The following USP13 variants were observed in gnomAD, a reference collection of about 807,000 sequenced individuals.
USP13 encodes the protein ubiquitin specific peptidase 13.
USP13 carries 68 observed loss-of-function variants against 107.8 expected under a neutral mutation model. The ratio of observed to expected loss-of-function variants is 0.63; its 90% CI spans 0.52 to 0.77. The LOEUF (loss-of-function observed/expected upper bound fraction) is 0.77. Ranked by LOEUF, USP13 falls within the 30% of genes least tolerant of loss-of-function variation. The pLI is 0.00. For missense variants in USP13, 945 were observed against 1,093.3 expected, an observed-to-expected ratio of 0.86 and a Z score of 1.91; for synonymous variants, 377 against 389.5, an observed-to-expected ratio of 0.97 and a Z score of 0.38.
At chr3:179,698,503 T>C (rs1712395236) in intron 3 of USP13, among the ~76,000 whole-genome samples, 1 of 151,934 alleles carries the variant, frequency 6.6e-6, no homozygotes, top group African/African-American at 2.4e-5. Flanking sequence ...GGTTTTTTTT[T>C]TTCTTGTATT....
chr3:179,653,532 GGCAGACACTTA>G lies in USP13; in HGVS notation c.168+141_168+151del. On this transcript the variant is annotated intron_variant, in intron 1 of 20. Transcript: ENST00000263966. This position sits in a 1 kb window ranked among gnomAD's most constrained non-coding sequence, Gnocchi z 4.0. ...AGTTGGCTCAGGAACACTGCAGTTC[GGCAGACACTTA>G]GTGAGCGCCCCAGGGCTGCTGCAGC... is the stretch of plus-strand genomic sequence containing the variant. 1 of 1,241,844 alleles carries G rather than the reference GGCAGACACTTA, an allele frequency of 8.1e-7. No homozygotes were observed. The highest frequency in any genetic ancestry group is 1.1e-6 in the Non-Finnish European group (1 of 909,536). 76.9% of individuals were successfully genotyped at this position (1,241,844 alleles called of 1,614,324 possible). A position where few individuals can be genotyped will look rare whatever the true frequency, so the allele number is the denominator to read the frequency against.
At chr3:179,689,085 T>G (rs1711999031) in intron 2 of USP13, among the ~76,000 whole-genome samples, 1 of 152,208 alleles carries the variant, frequency 6.6e-6, no homozygotes. Context: ...TTAGGACTCA[T>G]GAGAGGACAA....
At chr3:179,670,090 G>A (rs776294976) in intron 1 of USP13, among the ~76,000 whole-genome samples, 18 of 152,118 alleles carry the variant, frequency 1.2e-4, no homozygotes, top group Non-Finnish European at 1.9e-4. Flanking sequence ...GCCTTTTCTG[G>A]AGTGGGGACC....
chr3:179,693,672 A>G (rs1008037441), intron 3 of USP13, among the ~76,000 whole-genome samples: 18 of 151,718 alleles, frequency 1.2e-4, no homozygotes, highest in African/African-American at 4.4e-4. Flanking sequence ...AACTTTGTTT[A>G]TTTATTTATT....
intron 1 of USP13, among the ~76,000 whole-genome samples, chr3:179,665,381 G>A (rs1338354804): frequency 6.6e-6 from 1 of 152,216 alleles, no homozygotes; most frequent in Admixed American, 6.5e-5. Flanking sequence ...GCACTTTTAT[G>A]TACGTCATCT....
intron 19 of USP13, among the ~76,000 whole-genome samples, chr3:179,773,178 TCCCAGATAAATA>T (rs891351397): frequency 1.1e-4 from 17 of 152,174 alleles, no homozygotes; most frequent in African/African-American, 4.1e-4. Context: ...GAAAAGCATA[TCCCAGATAAATA>T]CCCAGATATT....
At chr3:179,737,482 T>C (rs536335226) in intron 10 of USP13, among the ~76,000 whole-genome samples, 37 of 152,234 alleles carry the variant, frequency 2.4e-4, no homozygotes, top group Non-Finnish European at 4.1e-4. Flanking sequence ...AGGGCATTAT[T>C]ATTGCATGCT....
intron 1 of USP13, among the ~76,000 whole-genome samples, chr3:179,672,441 A>G (rs569650232): frequency 2.0e-5 from 3 of 149,636 alleles, no homozygotes; most frequent in African/African-American, 2.5e-5. Flanking sequence ...CTGGAGTGCA[A>G]TGGCGCGATC....
At position 179,681,733 on chromosome 3, in the gene USP13, A is replaced by G. The variant is rs536536500; in HGVS notation, c.169-145A>G. The G allele has an allele frequency of 3.8e-6, 4 of 1,040,140 alleles. No homozygotes were observed. In the Admixed American group the frequency reaches 9.5e-5, roughly 25 times the overall value. The allele number at this position is 1,040,140 out of a possible 1,614,324, so 64.4% of individuals were successfully genotyped here. A position where few individuals can be genotyped will look rare whatever the true frequency, so the allele number is the denominator to read the frequency against. On this transcript the variant is annotated intron_variant, in intron 1 of 20. Coordinates refer to ENST00000263966, the MANE Select transcript of USP13 (RefSeq NM_003940.3). ...CTAGGACAGAGTCACTTGGGTTAAA[A>G]CAAGGTAGGGTATCACAGCAGGAGC...
chr3:179,710,696 G>C (rs917421901), intron 6 of USP13, among the ~76,000 whole-genome samples: 5 of 152,194 alleles, frequency 3.3e-5, no homozygotes, highest in African/African-American at 9.6e-5. Flanking sequence ...TGATTTCTTT[G>C]TTGTGTGAAC....
chr3:179,704,460 C>T (rs577339531), intron 4 of USP13, among the ~76,000 whole-genome samples: 3 of 152,276 alleles, frequency 2.0e-5, no homozygotes, highest in Middle Eastern at 3.4e-3. Context: ...TTCCTTCACG[C>T]CTGCCCTCTT....
At chr3:179,692,828 A>G (rs1672717118) in intron 3 of USP13, among the ~76,000 whole-genome samples, 1 of 152,090 alleles carries the variant, frequency 6.6e-6, no homozygotes, top group Non-Finnish European at 1.5e-5. Context: ...ATTGTCAGGA[A>G]ACTGTTTTAG....
chr3:179,756,466 G>A (rs1695228501), intron 15 of USP13, among the ~76,000 whole-genome samples: 1 of 152,170 alleles, frequency 6.6e-6, no homozygotes, highest in African/African-American at 2.4e-5. Context: ...GAGAGAGGCT[G>A]GGCGCAGTGG....
chr3:179,655,548 G>GTTTTTTTGTTTTTT (rs1720224938), intron 1 of USP13, among the ~76,000 whole-genome samples: 1 of 131,396 alleles, frequency 7.6e-6, no homozygotes, highest in African/African-American at 3.3e-5. Flanking sequence ...TAATGGGAAG[G>GTTTTTTTGTTTTTT]TTTTTTTTGT....
At chr3:179,679,204 ATTTAAAAAAT>A (rs1711564324) in intron 1 of USP13, among the ~76,000 whole-genome samples, 1 of 152,138 alleles carries the variant, frequency 6.6e-6, no homozygotes, top group South Asian at 2.1e-4. Flanking sequence ...ATTTTTTGGA[ATTTAAAAAAT>A]TTTATTGGAA....
Position 179,740,317 on chromosome 3 carries a change from C to CT in USP13, c.1326dup (p.Asn443Ter). 6.2e-7 allele frequency: 1 copy of CT among 1,614,136 alleles called. No individual in the cohort carries two copies. The highest frequency in any genetic ancestry group is 8.5e-7 in the Non-Finnish European group (1 of 1,180,040). On this transcript the variant is annotated frameshift_variant, in exon 11 of 21. Coordinates refer to ENST00000263966, the MANE Select transcript of USP13 (RefSeq NM_003940.3). LOFTEE classifies it high-confidence loss of function. ...AGCAAGAGCCACCCGGAATTCTCCT[C>CT]TAACAGGCAGCAAGATGCCCAGGAA... is the stretch of plus-strand genomic sequence containing the variant.
rs1711545957 is a variant in USP13 at position 179,678,614 on chromosome 3, G to T, written c.169-3264G>T. Among the ~76,000 whole-genome samples, 1 of 151,810 alleles carries T rather than the reference G, an allele frequency of 6.6e-6. No individual in the cohort carries two copies. Among genetic ancestry groups the T allele is most frequent in the African/African-American group, 2.4e-5 (1 of 41,304 alleles). Reference sequence around the variant, plus strand: ...TCCTAAGTAGCTGGGACAAAAGGCTGGCTAATTTTTGTATTATTATTTTTT... The same window carrying T: ...TCCTAAGTAGCTGGGACAAAAGGCTTGCTAATTTTTGTATTATTATTTTTT... On this transcript the variant is annotated intron_variant, in intron 1 of 20. Coordinates refer to ENST00000263966, the MANE Select transcript of USP13 (RefSeq NM_003940.3). The surrounding 1 kb of genome is among the most constrained non-coding windows in gnomAD (Gnocchi z 4.2).
At chr3:179,740,826 G>A (rs1249353361) in intron 11 of USP13, among the ~76,000 whole-genome samples, 2 of 151,802 alleles carry the variant, frequency 1.3e-5, no homozygotes, top group African/African-American at 2.4e-5. Context: ...GAGTGCAGTG[G>A]CACAATCTTG....
At chr3:179,752,839 C>T (rs186973282) in intron 14 of USP13, among the ~76,000 whole-genome samples, 1 of 152,272 alleles carries the variant, frequency 6.6e-6, no homozygotes. Context: ...AGGATCTCTC[C>T]TCTGCCTCTG....
Sources: allele counts gnomAD v4.1 joint callset (sites outside exome capture counted in the v4.1 genomes callset), GRCh38; gene constraint gnomAD v4.1.1; non-coding constraint Gnocchi (gnomAD v3.1); transcripts MANE v1.5; gene names NCBI Gene and HGNC (gene_info 2026-07-23, HGNC 2026-07-21).